MYO3A: variants seen among roughly 807,000 people sequenced by gnomAD.
The protein encoded by MYO3A is myosin-IIIa.
Under a neutral mutation model 192.7 loss-of-function variants are expected in MYO3A, and 180 were observed. That is an observed-to-expected ratio of 0.93 (90% CI 0.83 to 1.06). The LOEUF (loss-of-function observed/expected upper bound fraction) is 1.06, where lower values mean the gene tolerates loss of function less well. MYO3A is among the 50% of genes least tolerant of loss of function. The pLI is 0.00. For missense variants in MYO3A, 1,896 were observed against 1,905.0 expected (o/e 1.00, Z 0.09); for synonymous variants, 628 against 645.3 (o/e 0.97, Z 0.41).
At chr10:25,961,369 G>C (rs1837920202) in intron 4 of MYO3A, among the ~76,000 whole-genome samples, 1 of 152,104 alleles carries the variant, frequency 6.6e-6, no homozygotes, top group Admixed American at 6.6e-5. Flanking sequence ...GGAAACTCCT[G>C]ATATTAGTTA....
intron 32 of MYO3A, among the ~76,000 whole-genome samples, chr10:26,195,097 C>T (rs982599895): frequency 6.6e-6 from 1 of 152,158 alleles, no homozygotes; most frequent in Non-Finnish European, 1.5e-5. Context: ...CTCCCCACCC[C>T]CTGCCCCAAG....
At chr10:25,997,922 A>T (rs1840555044) in intron 6 of MYO3A, among the ~76,000 whole-genome samples, 1 of 152,190 alleles carries the variant, frequency 6.6e-6, no homozygotes, top group Non-Finnish European at 1.5e-5. Context: ...TTCCATATTT[A>T]CTAAACTTTC....
At position 26,007,301 on chromosome 10, in the gene MYO3A, A is replaced by G. The variant is rs1206918950; in HGVS notation, c.509-9519A>G. The stretch of plus-strand genomic sequence containing the variant: ...TACTGAATGGGCAAAAACTGGAAGC[A>G]TTCCCTTTGAAAACCGGCACAAGAC... On this transcript the variant is annotated intron_variant, in intron 6 of 34. Transcript: ENST00000642920. Among the ~76,000 whole-genome samples the G allele has an allele frequency of 2.0e-5, 3 of 150,944 alleles. No individual in the cohort carries two copies. In the East Asian group the frequency reaches 5.8e-4, roughly 29 times the overall value.
rs767333025 is a variant in MYO3A at position 25,961,635 on chromosome 10, A to AG, written c.303+6630dup. Among the ~76,000 whole-genome samples the AG allele has an allele frequency of 3.0e-4, 45 of 152,224 alleles. 1 individual carries two copies. The highest frequency in any genetic ancestry group is 5.9e-4 in the Non-Finnish European group (40 of 67,990). On this transcript the variant is annotated intron_variant, in intron 4 of 34. Transcript: ENST00000642920. ...TGATCTACTTGAATTTACAAAGTGG[A>AG]GGGAAAAAAAAGGCTAAGGAAAGCA...
intron 10 of MYO3A, among the ~76,000 whole-genome samples, chr10:26,052,772 A>G (rs1271775401): frequency 6.6e-6 from 1 of 152,244 alleles, no homozygotes; most frequent in East Asian, 1.9e-4. Context: ...AAGCTGTTTC[A>G]TTACAACAGT....
chr10:26,183,196 GGAACCT>G (rs1462831250), intron 31 of MYO3A, among the ~76,000 whole-genome samples: 1 of 152,198 alleles, frequency 6.6e-6, no homozygotes, highest in Non-Finnish European at 1.5e-5. Context: ...ATGTGGGGCA[GGAACCT>G]TACCTGAACC....
At chr10:26,209,103 A>G (rs1235506334) in intron 34 of MYO3A, among the ~76,000 whole-genome samples, 1 of 152,180 alleles carries the variant, frequency 6.6e-6, no homozygotes, top group African/African-American at 2.4e-5. Flanking sequence ...ACCTTCTTTT[A>G]TAACAGTAGC....
At chr10:26,048,026 C>T (rs1032239556) in intron 10 of MYO3A, among the ~76,000 whole-genome samples, 4 of 152,086 alleles carry the variant, frequency 2.6e-5, no homozygotes, top group African/African-American at 9.7e-5. Flanking sequence ...AATCTATTGA[C>T]AGTACCTTAC....
chr10:25,952,866 G>A (rs945930379), intron 3 of MYO3A, among the ~76,000 whole-genome samples: 2 of 148,998 alleles, frequency 1.3e-5, no homozygotes, highest in Admixed American at 1.3e-4. Context: ...CACAATGGGG[G>A]CCCCATTTGC....
intron 23 of MYO3A, among the ~76,000 whole-genome samples, chr10:26,151,322 T>G (rs1344676163): frequency 6.6e-6 from 1 of 152,138 alleles, no homozygotes; most frequent in Non-Finnish European, 1.5e-5. Context: ...TTTTTTCAGT[T>G]TTTGCTCATG....
At chr10:26,121,928 G>A (rs535417637) in intron 18 of MYO3A, among the ~76,000 whole-genome samples, 19 of 152,302 alleles carry the variant, frequency 1.2e-4, no homozygotes, top group Middle Eastern at 3.4e-3. Flanking sequence ...CTGTGTCTCT[G>A]GAGCCAATGT....
intron 31 of MYO3A, among the ~76,000 whole-genome samples, chr10:26,179,418 G>T (rs896923517): frequency 1.3e-5 from 2 of 152,062 alleles, no homozygotes; most frequent in African/African-American, 4.8e-5. Flanking sequence ...TTTCTTAAAT[G>T]TATGCATAGT....
At chr10:25,987,595 A>G (rs1314293218) in intron 4 of MYO3A, among the ~76,000 whole-genome samples, 2 of 152,268 alleles carry the variant, frequency 1.3e-5, no homozygotes, top group African/African-American at 4.8e-5. Context: ...GGCAACAAGC[A>G]TATGAAAAAA....
At chr10:26,133,422 T>C (rs1271109801) in intron 20 of MYO3A, among the ~76,000 whole-genome samples, 1 of 152,198 alleles carries the variant, frequency 6.6e-6, no homozygotes, top group African/African-American at 2.4e-5. Flanking sequence ...CTTCTCTCCC[T>C]CTGGCTTCGC....
chr10:26,157,571 A>C lies in MYO3A; in HGVS notation c.2999+56A>C, dbSNP rs183129102. The C allele has an allele frequency of 7.1e-6, 11 of 1,546,672 alleles. No individual in the cohort carries two copies. The East Asian group carries it at 2.3e-4, about 32-fold the overall frequency. On this transcript the variant is annotated intron_variant, in intron 26 of 34. Coordinates refer to ENST00000642920, the MANE Select transcript of MYO3A (RefSeq NM_017433.5). ...TGCAGTTTATATAAAAATCATTCAG[A>C]AGAATTATAAGAAACATAATATGAA... is the stretch of plus-strand genomic sequence containing the variant.
chr10:26,114,497 G>T (rs1298491294), intron 17 of MYO3A, among the ~76,000 whole-genome samples: 1 of 152,138 alleles, frequency 6.6e-6, no homozygotes, highest in Non-Finnish European at 1.5e-5. Context: ...AAACAACTTG[G>T]CTTAGTGAGA....
At position 25,935,753 on chromosome 10, in the gene MYO3A, C is replaced by G. The variant is rs572430574; in HGVS notation, c.-95C>G. ...TTGTTTTGGGTTACAGGCCCAGGGC[C>G]CCAGTGCAGCCTGGACACAGTATTC... On this transcript the variant is annotated 5_prime_UTR_variant, in exon 2 of 35. Coordinates refer to ENST00000642920, the MANE Select transcript of MYO3A (RefSeq NM_017433.5). 3 of 152,272 alleles carry G rather than the reference C, an allele frequency of 2.0e-5. No homozygotes were observed. Among genetic ancestry groups the G allele is most frequent in the African/African-American group, 7.2e-5 (3 of 41,540 alleles). The allele number at this position is 152,272 out of a possible 1,614,324, so 9.4% of individuals were successfully genotyped here.
chr10:25,996,691 A>G (rs1048684764), intron 5 of MYO3A, 97 bp downstream of exon 5: 34 of 915,134 alleles, frequency 3.7e-5, no homozygotes, highest in Admixed American at 6.0e-5. Context: ...GTGATACTAC[A>G]TTAGTATTTA....
chr10:26,055,193 T>G (rs1286539035), intron 10 of MYO3A, among the ~76,000 whole-genome samples: 1 of 152,150 alleles, frequency 6.6e-6, no homozygotes, highest in African/African-American at 2.4e-5. Context: ...TGAAAGTTGC[T>G]GTAGAGGGAT....
Sources: gnomAD v4.1 joint callset for allele counts (sites outside exome capture counted in the v4.1 genomes callset) on GRCh38, gnomAD v4.1.1 for gene constraint, MANE v1.5 for transcripts, NCBI Gene and HGNC (gene_info 2026-07-23, HGNC 2026-07-21) for gene names.